CEP83: variants seen among roughly 807,000 people sequenced by gnomAD.
The protein encoded by CEP83 is centrosomal protein of 83 kDa.
In CEP83, 70 loss-of-function variants were observed where a neutral mutation model predicts 101.9. That is an observed-to-expected ratio of 0.69 (90% CI 0.57 to 0.84). The LOEUF is 0.84. Ranked by LOEUF, CEP83 falls within the 40% of genes least tolerant of loss-of-function variation. The pLI is 0.00. For missense variants in CEP83, 715 were observed against 787.2 expected (o/e 0.91, Z 1.10); for synonymous variants, 264 against 267.9 (o/e 0.99, Z 0.14).
intron 11 of CEP83, among the ~76,000 whole-genome samples, chr12:94,345,669 G>A (rs1166679053): frequency 6.6e-6 from 1 of 152,104 alleles, no homozygotes; most frequent in Non-Finnish European, 1.5e-5. Flanking sequence ...CCGACAGCAG[G>A]TCATAAGACC....
chr12:94,331,183 C>T (rs1279223266), intron 14 of CEP83, among the ~76,000 whole-genome samples: 1 of 147,838 alleles, frequency 6.8e-6, no homozygotes. Context: ...TCCAGCTACT[C>T]GAAAGGCTGA....
chr12:94,312,684 T>G, intron 15 of CEP83: 1 of 985,402 alleles, frequency 1.0e-6, no homozygotes, highest in Non-Finnish European at 1.2e-6. Flanking sequence ...TGACATTTTC[T>G]GTTAGTCCCA....
chr12:94,319,559 T>A (rs1418730118), intron 14 of CEP83, among the ~76,000 whole-genome samples: 1 of 152,216 alleles, frequency 6.6e-6, no homozygotes, highest in East Asian at 1.9e-4. Context: ...CCAGAGATTC[T>A]GGTATGTTGT....
At chr12:94,381,597 TTTG>T (rs1365585238) in intron 6 of CEP83, among the ~76,000 whole-genome samples, 2 of 152,142 alleles carry the variant, frequency 1.3e-5, no homozygotes, top group African/African-American at 2.4e-5. Context: ...TCCATCCTTC[TTTG>T]TTGTTATTAC....
chr12:94,391,383 C>T (rs1300798722), intron 6 of CEP83, among the ~76,000 whole-genome samples: 1 of 152,146 alleles, frequency 6.6e-6, no homozygotes, highest in Non-Finnish European at 1.5e-5. Context: ...AACTAAGCTT[C>T]GTAAGTGAAG....
intron 2 of CEP83, among the ~76,000 whole-genome samples, chr12:94,415,906 A>G (rs1212418074): frequency 6.6e-6 from 1 of 152,178 alleles, no homozygotes; most frequent in African/African-American, 2.4e-5. Flanking sequence ...CACACTCCTC[A>G]CAAGTATACA....
chr12:94,386,427 G>A lies in CEP83; in HGVS notation c.550-7385C>T, dbSNP rs75200511. The stretch of plus-strand genomic sequence containing the variant: ...GCAAAGTTACCCTCTGCAGAACTCT[G>A]GAGCTCTGCAATACTCTGCTTTTCA... On this transcript the variant is annotated intron_variant, in intron 6 of 16. Transcript: ENST00000397809. Among the ~76,000 whole-genome samples, 140 of 152,238 alleles carry A rather than the reference G, an allele frequency of 9.2e-4. 1 individual carries two copies. The highest frequency in any genetic ancestry group is 5.0e-3 in the East Asian group (26 of 5,180).
At chr12:94,282,423 G>T in the CEP83 span, 4 of 1,471,532 alleles carry the variant, frequency 2.7e-6, no homozygotes, top group South Asian at 2.3e-5. Flanking sequence ...ACTTGACCCC[G>T]TGTCTCCTTC....
intron 15 of CEP83, 84 bp from the exon 16 acceptor site, chr12:94,310,191 G>A: frequency 1.8e-6 from 1 of 543,798 alleles, no homozygotes; most frequent in Non-Finnish European, 3.0e-6. Context: ...ATTTTAAACT[G>A]GAATTTCTAA....
chr12:94,296,085 ATC>A, the CEP83 span, among the ~76,000 whole-genome samples: 1 of 151,918 alleles, frequency 6.6e-6, no homozygotes, highest in Admixed American at 6.6e-5. Flanking sequence ...ACCACCAGTA[ATC>A]TCTTTTCTCA....
chr12:94,342,610 G>GT (rs898389038), intron 11 of CEP83, among the ~76,000 whole-genome samples: 2 of 152,038 alleles, frequency 1.3e-5, no homozygotes, highest in African/African-American at 4.8e-5. Context: ...AAAATAAAAT[G>GT]TTTAATTTAT....
At chr12:94,363,350 G>T (rs1405530638) in intron 11 of CEP83, among the ~76,000 whole-genome samples, 5 of 152,174 alleles carry the variant, frequency 3.3e-5, no homozygotes, top group Non-Finnish European at 7.3e-5. Context: ...AAGTGCTGGT[G>T]AAGATATGGA....
intron 2 of CEP83, chr12:94,423,666 A>G (rs2064956764): frequency 2.8e-5 from 44 of 1,567,206 alleles, no homozygotes; most frequent in Non-Finnish European, 3.8e-5. Flanking sequence ...TTCCTGGTTA[A>G]CCCTCTGGAA....
chr12:94,386,995 A>T (rs1479424716), intron 6 of CEP83, among the ~76,000 whole-genome samples: 1 of 152,214 alleles, frequency 6.6e-6, no homozygotes, highest in Non-Finnish European at 1.5e-5. Context: ...GTTGACAAAA[A>T]CAAACAATGG....
chr12:94,385,553 A>G (rs2062094414), intron 6 of CEP83, among the ~76,000 whole-genome samples: 1 of 152,192 alleles, frequency 6.6e-6, no homozygotes, highest in Admixed American at 6.5e-5. Context: ...AGAATGAGTT[A>G]GGAGGCATTT....
At chr12:94,392,247 C>T (rs2062592874) in intron 6 of CEP83, among the ~76,000 whole-genome samples, 1 of 152,180 alleles carries the variant, frequency 6.6e-6, no homozygotes, top group South Asian at 2.1e-4. Flanking sequence ...AACTAAAGCA[C>T]TCCTCAGCAA....
intron 1 of CEP83, among the ~76,000 whole-genome samples, chr12:94,438,133 C>A (rs1365106689): frequency 6.6e-6 from 1 of 151,742 alleles, no homozygotes; most frequent in Admixed American, 6.6e-5. Flanking sequence ...GCACGAGAAT[C>A]GCTTGAACCC....
chr12:94,382,295 G>C (rs1411202603), intron 6 of CEP83, among the ~76,000 whole-genome samples: 1 of 151,676 alleles, frequency 6.6e-6, no homozygotes, highest in East Asian at 1.9e-4. Context: ...TCTTTTCAAA[G>C]AACCAGCTCT....
intron 1 of CEP83, among the ~76,000 whole-genome samples, chr12:94,458,620 C>T (rs928276183): frequency 5.3e-5 from 8 of 152,128 alleles, no homozygotes; most frequent in African/African-American, 1.9e-4. Flanking sequence ...CACCTGTAAT[C>T]CCAGCTACTC....
Sources: gnomAD v4.1 joint callset for allele counts (sites outside exome capture counted in the v4.1 genomes callset) on GRCh38, gnomAD v4.1.1 for gene constraint, MANE v1.5 for transcripts, NCBI Gene and HGNC (gene_info 2026-07-23, HGNC 2026-07-21) for gene names.